The following OARD1 variants were observed in gnomAD, a reference collection of about 807,000 sequenced individuals.
The protein encoded by OARD1 is ADP-ribose glycohydrolase OARD1.
A neutral mutation model predicts 19.7 loss-of-function variants in OARD1; 19 were observed. The ratio of observed to expected loss-of-function variants is 0.96; its 90% CI spans 0.67 to 1.41. The LOEUF is 1.41. Among genes scored for constraint, OARD1 ranks in the 40% most tolerant of loss-of-function variants. The probability of loss-of-function intolerance (pLI) is 0.00; values close to 1 mark genes in which losing one functional copy is unlikely to be tolerated. For missense variants in OARD1, 190 were observed against 183.8 expected, an observed-to-expected ratio of 1.03 and a Z score of -0.20; for synonymous variants, 70 against 61.8, an observed-to-expected ratio of 1.13 and a Z score of -0.62.
At chr6:41,069,839 T>TA (rs1763231248) in intron 4 of OARD1, 1 of 576,734 alleles carries the variant, frequency 1.7e-6, no homozygotes, top group African/African-American at 1.9e-5. Context: ...TGGTACATGA[T>TA]ACACGACTTT....
rs574457332 is a variant in OARD1, at chr6:41,091,782, T to G, written c.-42+5931A>C. ...CCTAAAATTTATTATGTTGACCTCT[T>G]GGGATTGAGATCGATCCTTAAGGCA... On this transcript the variant is annotated intron_variant, in intron 1 of 4. Coordinates refer to the OARD1 transcript ENST00000480585. 4.7e-5 allele frequency: 69 copies of G among 1,460,772 alleles called. 2 individuals are homozygous for G. The highest frequency in any genetic ancestry group is 3.1e-4 in the South Asian group (24 of 78,292). 90.5% of individuals were successfully genotyped at this position (1,460,772 alleles called of 1,614,324 possible). A position where few individuals can be genotyped will look rare whatever the true frequency, so the allele number is the denominator to read the frequency against.
intron 1 of OARD1, chr6:41,083,939 C>A: frequency 9.0e-7 from 1 of 1,106,968 alleles, no homozygotes. Flanking sequence ...TCTTTTCTAC[C>A]TTTTCCTTTT....
rs760670308 is a variant in OARD1, at chr6:41,089,535, A to G, written c.-42+8178T>C. ...TAACTCTCGGGGACCAAAGGAGACC[A>G]GTGTCAGTAGAGTACAATCCTTTTT... On this transcript the variant is annotated intron_variant, in intron 1 of 4. Transcript: ENST00000480585. The G allele has an allele frequency of 4.6e-6, 7 of 1,517,336 alleles. No homozygotes were observed. In the African/African-American group the frequency reaches 7.0e-5, roughly 15 times the overall value. 94.0% of individuals were successfully genotyped at this position (1,517,336 alleles called of 1,614,324 possible).
At chr6:41,072,066 C>T (rs1763460669) in intron 1 of OARD1, among the ~76,000 whole-genome samples, 170 bp downstream of exon 1, 1 of 152,240 alleles carries the variant, frequency 6.6e-6, no homozygotes, top group Non-Finnish European at 1.5e-5. Context: ...AGGGACTTGG[C>T]CACAGTCCCG....
At chr6:41,071,833 G>A in intron 1 of OARD1, 158 bp from the exon 2 acceptor site, 1 of 554,214 alleles carries the variant, frequency 1.8e-6, no homozygotes, top group Non-Finnish European at 3.2e-6. Context: ...CCCTTCTGGG[G>A]CAAAGAGGAA....
chr6:41,090,385 A>AT, intron 1 of OARD1: 1 of 822,882 alleles, frequency 1.2e-6, no homozygotes, highest in Non-Finnish European at 2.1e-6. Context: ...CATCTTTAGA[A>AT]TTTGAGTGGT....
At chr6:41,090,351 C>A in intron 1 of OARD1, 1 of 1,321,610 alleles carries the variant, frequency 7.6e-7, no homozygotes, top group Non-Finnish European at 1.1e-6. Context: ...TTTGGGGCAA[C>A]TTTTTTGTCC....
chr6:41,073,331 C>T (rs1251836184), upstream of OARD1, among the ~76,000 whole-genome samples: 18 of 151,874 alleles, frequency 1.2e-4, no homozygotes, highest in Admixed American at 1.1e-3. Flanking sequence ...CACCTCGGGG[C>T]TCCGACCCTC....
chr6:41,069,644 G>A (rs770276343), intron 4 of OARD1: 14 of 240,492 alleles, frequency 5.8e-5, no homozygotes, highest in Admixed American at 1.6e-4. Context: ...TATTATTTGG[G>A]ACTGCACTTA....
Position 41,068,753 on chromosome 6 carries a change from G to A in OARD1, c.356+88C>T, listed in dbSNP as rs921190964. ...GTCCACCTTTAAATCTATATTTTGG[G>A]TTAAGCTTTTAAGTTGTTTGTCTTT... On this transcript the variant is annotated intron_variant, in intron 5 of 5. Transcript: ENST00000424266. The A allele has an allele frequency of 5.3e-6, 4 of 755,622 alleles. No individual in the cohort carries two copies. In the African/African-American group the frequency reaches 5.4e-5, roughly 10 times the overall value. The allele number at this position is 755,622 out of a possible 1,614,324, so 46.8% of individuals were successfully genotyped here.
At chr6:41,074,866 TC>T (rs1477073560), upstream of OARD1, among the ~76,000 whole-genome samples, 9 of 152,226 alleles carry the variant, frequency 5.9e-5, no homozygotes, top group Non-Finnish European at 8.8e-5. Flanking sequence ...AGGAGACTTG[TC>T]CTAGGACTCT....
intron 1 of OARD1, chr6:41,093,135 A>G (rs753734886): frequency 4.0e-6 from 6 of 1,516,980 alleles, no homozygotes; most frequent in Middle Eastern, 1.8e-4. Flanking sequence ...GCAGGGTTCT[A>G]CTTTTGAAAT....
At chr6:41,068,776 T>G (rs1447006871) in intron 5 of OARD1, 65 bp downstream of exon 5, 3 of 929,626 alleles carry the variant, frequency 3.2e-6, no homozygotes, top group Non-Finnish European at 4.8e-6. Flanking sequence ...GTTGTTTGTC[T>G]TTGGGTAAGA....
intron 1 of OARD1, among the ~76,000 whole-genome samples, chr6:41,088,988 A>G (rs531459130): frequency 6.6e-6 from 1 of 151,736 alleles, no homozygotes; most frequent in South Asian, 2.1e-4. Flanking sequence ...AGTGTATTTT[A>G]TTTTTTTATT....
At chr6:41,096,601 C>T (rs1764362909) in intron 1 of OARD1, among the ~76,000 whole-genome samples, 1 of 152,220 alleles carries the variant, frequency 6.6e-6, no homozygotes, top group African/African-American at 2.4e-5. Context: ...GACCCAGTTC[C>T]AGTCTTCCAT....
intron 4 of OARD1, 28 bp downstream of exon 4, chr6:41,070,047 GA>G (rs199877778): frequency 2.7e-4 from 357 of 1,334,878 alleles, no homozygotes; most frequent in African/African-American, 3.4e-4. Flanking sequence ...AACTGGCCCT[GA>G]AAAAAAAAGG....
chr6:41,067,282 GC>G lies in OARD1; in HGVS notation c.*52del. The G allele has an allele frequency of 8.4e-7, 1 of 1,191,798 alleles. No homozygotes were observed. Among genetic ancestry groups the G allele is most frequent in the Non-Finnish European group, 1.2e-6 (1 of 803,094 alleles). The allele number at this position is 1,191,798 out of a possible 1,614,324, so 73.8% of individuals were successfully genotyped here. A position where few individuals can be genotyped will look rare whatever the true frequency, so the allele number is the denominator to read the frequency against. On this transcript the variant is annotated 3_prime_UTR_variant, in exon 6 of 6. Coordinates refer to ENST00000424266, the MANE Select transcript of OARD1 (RefSeq NM_001329686.2). ...TAAGGTAGGTTTGCCCGGTCCTATG[GC>G]CCAGTAGAGATGACACAGGAGAACA...
At chr6:41,081,172 A>G (rs933132443) in intron 1 of OARD1, among the ~76,000 whole-genome samples, 3 of 152,318 alleles carry the variant, frequency 2.0e-5, no homozygotes, top group South Asian at 2.1e-4. Context: ...ACAGGAAGAA[A>G]TTCTTATAAG....
At chr6:41,073,911 C>G (rs1763641488), upstream of OARD1, among the ~76,000 whole-genome samples, 1 of 152,352 alleles carries the variant, frequency 6.6e-6, no homozygotes, top group African/African-American at 2.4e-5. Flanking sequence ...CGTCTTGGAG[C>G]CCAACCAAGC....
Sources: gnomAD v4.1 joint callset for allele counts (sites outside exome capture counted in the v4.1 genomes callset) on GRCh38, gnomAD v4.1.1 for gene constraint, MANE v1.5 for transcripts, NCBI Gene and HGNC (gene_info 2026-07-23, HGNC 2026-07-21) for gene names.